NT5E: variants seen among roughly 807,000 people sequenced by gnomAD.
NT5E encodes 5'-nucleotidase ecto.
In NT5E, 53 loss-of-function variants were observed where a neutral mutation model predicts 55.1. The ratio of observed to expected loss-of-function variants is 0.96; its 90% CI spans 0.77 to 1.21. NT5E has a LOEUF of 1.21. Among genes scored for constraint, NT5E ranks in the 50% most tolerant of loss-of-function variants. The pLI, the probability that NT5E is intolerant of heterozygous loss-of-function variation, is 0.00. For synonymous variants in NT5E, 270 were observed against 278.4 expected, an observed-to-expected ratio of 0.97 and a Z score of 0.30; for missense variants, 683 against 724.3, an observed-to-expected ratio of 0.94 and a Z score of 0.65.
rs1248991461 is a variant in NT5E, at chr6:85,494,971, G to A, written c.*967G>A. 1 of 152,200 alleles carries A rather than the reference G, an allele frequency of 6.6e-6. No homozygotes were observed. Among genetic ancestry groups the A allele is most frequent in the African/African-American group, 2.4e-5 (1 of 41,448 alleles). 9.4% of individuals were successfully genotyped at this position (152,200 alleles called of 1,614,324 possible). ...ATGAGATTCCATCAGCTCTGCCTCT[G>A]TCCTCTTTCTTCTAACATGAAGGTA... On this transcript the variant is annotated 3_prime_UTR_variant, in exon 9 of 9. Coordinates refer to ENST00000257770, the MANE Select transcript of NT5E (RefSeq NM_002526.4).
chr6:85,493,344 T>C (rs969663382), intron 8 of NT5E, among the ~76,000 whole-genome samples: 4 of 152,062 alleles, frequency 2.6e-5, no homozygotes, highest in African/African-American at 7.2e-5. Flanking sequence ...TTCTGTTGGG[T>C]TCCCAACAGA....
chr6:85,481,593 G>A (rs1033400399), intron 3 of NT5E, among the ~76,000 whole-genome samples: 2 of 152,164 alleles, frequency 1.3e-5, no homozygotes, highest in African/African-American at 4.8e-5. Context: ...GTAAAAAGAT[G>A]TAACTAATTC....
chr6:85,489,400 C>T, intron 5 of NT5E, 94 bp from the exon 6 acceptor site: 1 of 852,916 alleles, frequency 1.2e-6, no homozygotes, highest in Non-Finnish European at 2.0e-6. Flanking sequence ...TGAAAAGCAG[C>T]TTTATTTCCT....
chr6:85,493,636 A>C (rs771143844), intron 8 of NT5E, among the ~76,000 whole-genome samples: 1 of 152,174 alleles, frequency 6.6e-6, no homozygotes, highest in Non-Finnish European at 1.5e-5. Flanking sequence ...CCAATTACCC[A>C]ATATTGAACA....
At chr6:85,488,822 C>T (rs985373875) in intron 5 of NT5E, among the ~76,000 whole-genome samples, 2 of 150,844 alleles carry the variant, frequency 1.3e-5, no homozygotes, top group African/African-American at 4.9e-5. Context: ...CTTAGGTGAT[C>T]CACCTGCCAC....
At chr6:85,468,771 A>T (rs1351235434) in intron 2 of NT5E, among the ~76,000 whole-genome samples, 2 of 152,012 alleles carry the variant, frequency 1.3e-5, no homozygotes, top group East Asian at 3.9e-4. Flanking sequence ...ACCCATAAGG[A>T]GGTAGGAGGT....
At chr6:85,473,139 A>C (rs1219143680) in intron 3 of NT5E, among the ~76,000 whole-genome samples, 1 of 152,196 alleles carries the variant, frequency 6.6e-6, no homozygotes, top group Non-Finnish European at 1.5e-5. Flanking sequence ...AAATGAACTA[A>C]GAGAGCCAAG....
chr6:85,464,928 G>A (rs1432222748), intron 1 of NT5E, among the ~76,000 whole-genome samples: 2 of 152,314 alleles, frequency 1.3e-5, no homozygotes, highest in East Asian at 3.9e-4. Context: ...AAGACAGTGA[G>A]TCACAGGGAA....
chr6:85,489,641 C>A, intron 6 of NT5E, 42 bp downstream of exon 6: 1 of 1,377,268 alleles, frequency 7.3e-7, no homozygotes, highest in Non-Finnish European at 1.0e-6. Context: ...CATGTTCTCT[C>A]TCTGATCTCC....
At chr6:85,457,071 G>A (rs1327537661) in intron 1 of NT5E, among the ~76,000 whole-genome samples, 1 of 152,178 alleles carries the variant, frequency 6.6e-6, no homozygotes, top group Non-Finnish European at 1.5e-5. Context: ...AGATGATTAT[G>A]AGGGTTCAAG....
chr6:85,457,535 T>A (rs1582368537), intron 1 of NT5E, among the ~76,000 whole-genome samples: 1 of 152,314 alleles, frequency 6.6e-6, no homozygotes, highest in Non-Finnish European at 1.5e-5. Context: ...TTATTTATTT[T>A]TTGGCAGCTA....
At chr6:85,490,901 C>T (rs1486083178) in intron 7 of NT5E, 9 of 569,796 alleles carry the variant, frequency 1.6e-5, no homozygotes, top group Middle Eastern at 4.6e-4. Context: ...CTGATTTGGA[C>T]ATCAGATGGG....
At chr6:85,458,436 G>C (rs1198370945) in intron 1 of NT5E, among the ~76,000 whole-genome samples, 1 of 152,184 alleles carries the variant, frequency 6.6e-6, no homozygotes, top group Non-Finnish European at 1.5e-5. Flanking sequence ...GCAGGGGAGG[G>C]AGGAAGTAAA....
intron 1 of NT5E, among the ~76,000 whole-genome samples, chr6:85,465,002 G>A (rs920069552): frequency 6.6e-6 from 1 of 152,226 alleles, no homozygotes; most frequent in Non-Finnish European, 1.5e-5. Flanking sequence ...ACACATGGCA[G>A]TTGACATACA....
chr6:85,460,872 C>T (rs1769087245), intron 1 of NT5E, among the ~76,000 whole-genome samples: 1 of 152,186 alleles, frequency 6.6e-6, no homozygotes, highest in African/African-American at 2.4e-5. Flanking sequence ...TTGACCCTGG[C>T]CTGCAGGACG....
chr6:85,467,000 C>A, intron 1 of NT5E, 60 bp from the exon 2 acceptor site: 1 of 1,464,130 alleles, frequency 6.8e-7, no homozygotes, highest in Non-Finnish European at 9.5e-7. Context: ...TTGAGAAATA[C>A]TGGACTAATG....
rs1769740353 is a variant in NT5E, at chr6:85,489,553, T to G, written c.1164T>G (p.Ile388Met). The change falls in exon 6 of 9, where the codon ATT becomes ATG. Residue 388 changes from isoleucine (I) to methionine (M), a missense_variant. Coordinates refer to ENST00000257770, the MANE Select transcript of NT5E (RefSeq NM_002526.4). Reference sequence around the variant, plus strand: ...TCTGGAACCACGTATCCATGTGCATTTTAAATGGAGGTGGTATCCGGTCGC... The same window carrying G: ...TCTGGAACCACGTATCCATGTGCATGTTAAATGGAGGTGGTATCCGGTCGC... ...EMFWNHVSMC[I>M]LNGGGIRSPI... is the part of the protein sequence containing the mutation. 6.2e-7 allele frequency: 1 copy of G among 1,613,854 alleles called. No individual in the cohort carries two copies. The highest frequency in any genetic ancestry group is 8.5e-7 in the Non-Finnish European group (1 of 1,179,954).
chr6:85,490,784 C>A, intron 7 of NT5E, 127 bp downstream of exon 7: 1 of 968,144 alleles, frequency 1.0e-6, no homozygotes, highest in Non-Finnish European at 1.6e-6. Flanking sequence ...GACCCAACAC[C>A]AATACCTTAC....
At chr6:85,455,426 T>C (rs1043726038) in intron 1 of NT5E, among the ~76,000 whole-genome samples, 14 of 152,138 alleles carry the variant, frequency 9.2e-5, no homozygotes, top group African/African-American at 3.1e-4. Flanking sequence ...CAAAAACTCT[T>C]GAACAAGATG....
Sources: gnomAD v4.1 joint callset for allele counts (sites outside exome capture counted in the v4.1 genomes callset) on GRCh38, gnomAD v4.1.1 for gene constraint, MANE v1.5 for transcripts, NCBI Gene and HGNC (gene_info 2026-07-23, HGNC 2026-07-21) for gene names.